ATF7IP2: variants seen among roughly 807,000 people sequenced by gnomAD.
The protein encoded by ATF7IP2 is activating transcription factor 7 interacting protein 2, also known as activating transcription factor 7-interacting protein 2.
In ATF7IP2, 42 loss-of-function variants were observed where a neutral mutation model predicts 64.2. The observed-to-expected ratio is 0.65, with a 90% CI of 0.51 to 0.85. The LOEUF (loss-of-function observed/expected upper bound fraction) is 0.85. ATF7IP2 is among the 40% of genes least tolerant of loss of function. The pLI is 0.00. For synonymous variants in ATF7IP2, 308 were observed against 272.8 expected, an observed-to-expected ratio of 1.13 and a Z score of -1.27; for missense variants, 933 against 784.2, an observed-to-expected ratio of 1.19 and a Z score of -2.27.
At chr16:10,478,066 T>C (rs1411676802) in intron 12 of ATF7IP2, among the ~76,000 whole-genome samples, 4 of 151,344 alleles carry the variant, frequency 2.6e-5, no homozygotes, top group Non-Finnish European at 5.9e-5. Flanking sequence ...ATCATGAAAA[T>C]GGACATACTG....
intron 9 of ATF7IP2, among the ~76,000 whole-genome samples, chr16:10,471,742 A>G (rs2142068880): frequency 6.6e-6 from 1 of 152,294 alleles, no homozygotes; most frequent in Middle Eastern, 3.4e-3. Context: ...TATGGGTCTT[A>G]ATAGATTTCC....
chr16:10,425,530 A>G (rs961341530), intron 3 of ATF7IP2, among the ~76,000 whole-genome samples: 1 of 152,216 alleles, frequency 6.6e-6, no homozygotes, highest in African/African-American at 2.4e-5. Context: ...AATGGATTAA[A>G]TTCTGTTGAA....
intron 1 of ATF7IP2, among the ~76,000 whole-genome samples, chr16:10,395,898 T>A (rs2047411064): frequency 6.6e-6 from 1 of 151,970 alleles, no homozygotes; most frequent in Non-Finnish European, 1.5e-5. Context: ...AACATTGTAC[T>A]GGAGGATCTA....
In ATF7IP2 at chr16:10,466,998, A is replaced by G. The variant is rs139637902; in HGVS notation, c.1353-5112A>G. On this transcript the variant is annotated intron_variant, in intron 9 of 13. Transcript: ENST00000562102. ...TGGCATGCTTGATAGTTTCTGAAAA[A>G]TTGTTGAGGCTGTAAGTGATATCTT... Among the ~76,000 whole-genome samples the G allele has an allele frequency of 2.4e-3, 363 of 152,060 alleles. 1 individual carries two copies. Among genetic ancestry groups the G allele is most frequent in the African/African-American group, 8.3e-3 (344 of 41,486 alleles).
chr16:10,449,463 A>AT (rs1217265259), intron 8 of ATF7IP2: 1 of 152,160 alleles, frequency 6.6e-6, no homozygotes, highest in Non-Finnish European at 1.5e-5. Flanking sequence ...TAGACTATTA[A>AT]TTACTGCCTC....
chr16:10,390,195 T>C (rs2047293636), intron 1 of ATF7IP2, among the ~76,000 whole-genome samples: 1 of 152,172 alleles, frequency 6.6e-6, no homozygotes, highest in African/African-American at 2.4e-5. Flanking sequence ...AGATGTTTTA[T>C]AATGGAGAAA....
chr16:10,388,094 T>C (rs2047240097), intron 1 of ATF7IP2, among the ~76,000 whole-genome samples: 1 of 152,126 alleles, frequency 6.6e-6, no homozygotes, highest in East Asian at 1.9e-4. Flanking sequence ...TTTCACCGTG[T>C]TGGCCAGGCT....
intron 1 of ATF7IP2, among the ~76,000 whole-genome samples, chr16:10,397,832 G>C (rs1457862361): frequency 6.6e-6 from 1 of 151,198 alleles, no homozygotes; most frequent in Non-Finnish European, 1.5e-5. Flanking sequence ...CCTGCAACCT[G>C]GGTGACAAGA....
intron 8 of ATF7IP2, among the ~76,000 whole-genome samples, chr16:10,442,002 A>G (rs910429575): frequency 6.6e-6 from 1 of 152,232 alleles, no homozygotes; most frequent in South Asian, 2.1e-4. Context: ...TTTTATTCCT[A>G]ATGCTGTTCC....
intron 1 of ATF7IP2, among the ~76,000 whole-genome samples, chr16:10,402,907 CAA>C (rs34917688): frequency 0.2 from 29,807 of 146,174 alleles, 3,292 homozygotes; most frequent in African/African-American, 0.31. Flanking sequence ...GACCCTTTCT[CAA>C]AAAAAAAAAA....
Position 10,428,934 on chromosome 16 carries a change from T to C in ATF7IP2, c.-93T>C, listed in dbSNP as rs1356474166. ...TGTCACCCTTGCTGGAGTGCAGTGG[T>C]GCAATCACAGATCACGGCAGTGTCT... On this transcript the variant is annotated 5_prime_UTR_variant, in exon 4 of 14. Transcript: ENST00000562102. The C allele has an allele frequency of 6.6e-6, 1 of 151,818 alleles. No homozygotes were observed. The highest frequency in any genetic ancestry group is 1.5e-5 in the Non-Finnish European group (1 of 67,952). The allele number at this position is 151,818 out of a possible 1,614,324, so 9.4% of individuals were successfully genotyped here. A position where few individuals can be genotyped will look rare whatever the true frequency, so the allele number is the denominator to read the frequency against.
At chr16:10,444,925 A>G (rs1011541455) in intron 8 of ATF7IP2, among the ~76,000 whole-genome samples, 1 of 152,214 alleles carries the variant, frequency 6.6e-6, no homozygotes, top group African/African-American at 2.4e-5. Context: ...GCTTCTACCC[A>G]GTGAGTGAGG....
intron 9 of ATF7IP2, among the ~76,000 whole-genome samples, chr16:10,464,124 G>GCTTTCTAATGTCTTCAAATAGATA (rs1481461112): frequency 6.6e-6 from 1 of 152,236 alleles, no homozygotes; most frequent in African/African-American, 2.4e-5. Context: ...TGCCACCACA[G>GCTTTCTAATGTCTTCAAATAGATA]CTTTCTAATG....
intron 4 of ATF7IP2, among the ~76,000 whole-genome samples, chr16:10,430,160 A>G (rs1338270559): frequency 6.6e-5 from 10 of 152,148 alleles, no homozygotes; most frequent in Admixed American, 6.6e-4. Flanking sequence ...GGCCACATTT[A>G]TTTTAGAAAC....
chr16:10,416,784 A>G (rs888031436), intron 2 of ATF7IP2, among the ~76,000 whole-genome samples: 10 of 152,144 alleles, frequency 6.6e-5, no homozygotes, highest in African/African-American at 2.4e-4. Flanking sequence ...GCAACAGAGC[A>G]AGACTCTGTC....
At chr16:10,439,567 CT>C (rs1335779895) in intron 7 of ATF7IP2, among the ~76,000 whole-genome samples, 7 of 123,068 alleles carry the variant, frequency 5.7e-5, no homozygotes, top group Admixed American at 1.9e-4. Flanking sequence ...CAGTCTCACT[CT>C]GTCGCCTAGG....
intron 1 of ATF7IP2, among the ~76,000 whole-genome samples, chr16:10,407,389 A>T (rs2047664572): frequency 6.6e-6 from 1 of 152,210 alleles, no homozygotes. Context: ...TAGCTAGGCG[A>T]ATCAGAGGAG....
At chr16:10,459,366 G>C (rs981991261) in intron 9 of ATF7IP2, among the ~76,000 whole-genome samples, 8 of 152,084 alleles carry the variant, frequency 5.3e-5, no homozygotes, top group African/African-American at 1.7e-4. Context: ...TACTCAGGAG[G>C]CTGAGGCAGG....
chr16:10,396,267 T>C lies in ATF7IP2; in HGVS notation c.-242+10145T>C, dbSNP rs867680927. 7.2e-5 allele frequency among the ~76,000 whole-genome samples: 11 copies of C among 152,316 alleles called. No homozygotes were observed. In the South Asian group the frequency reaches 8.3e-4, roughly 11 times the overall value. On this transcript the variant is annotated intron_variant, in intron 1 of 13. Coordinates refer to ENST00000562102, the MANE Select transcript of ATF7IP2 (RefSeq NM_001393719.1). ...TCATCTAGCCAGAGGACTCATATAT[T>C]TTGGTTATTAACCCCTGATCAGATG... is the stretch of plus-strand genomic sequence containing the variant.
Sources: gnomAD v4.1 joint callset for allele counts (sites outside exome capture counted in the v4.1 genomes callset) on GRCh38, gnomAD v4.1.1 for gene constraint, MANE v1.5 for transcripts, NCBI Gene and HGNC (gene_info 2026-07-23, HGNC 2026-07-21) for gene names.